Variants in SLC16A7 observed in about 807,000 individuals in gnomAD.
The protein encoded by SLC16A7 is solute carrier family 16 member 7, also known as monocarboxylate transporter 2.
SLC16A7 carries 33 observed loss-of-function variants against 34.9 expected under a neutral mutation model. The observed-to-expected ratio is 0.94, with a 90% CI of 0.72 to 1.26. SLC16A7 has a LOEUF of 1.26. SLC16A7 is among the 50% of genes most tolerant of loss of function. The pLI, the probability that SLC16A7 is intolerant of heterozygous loss-of-function variation, is 0.00. For synonymous variants in SLC16A7, 201 were observed against 206.6 expected (o/e 0.97, Z 0.23); for missense variants, 573 against 578.1 (o/e 0.99, Z 0.09).
chr12:59,727,648 C>T (rs1470489482), intron 3 of SLC16A7, among the ~76,000 whole-genome samples: 1 of 152,120 alleles, frequency 6.6e-6, no homozygotes, highest in African/African-American at 2.4e-5. Context: ...AGTAGGGTAA[C>T]TTGATAAATA....
At chr12:59,719,931 T>G (rs1475744955) in intron 3 of SLC16A7, 2 of 563,528 alleles carry the variant, frequency 3.5e-6, no homozygotes, top group Admixed American at 3.5e-5. Flanking sequence ...TGGTGGAACC[T>G]TAGCTATTAT....
chr12:59,649,854 CTG>C (rs1217598515), intron 1 of SLC16A7, among the ~76,000 whole-genome samples: 3 of 152,056 alleles, frequency 2.0e-5, no homozygotes, highest in Non-Finnish European at 2.9e-5. Flanking sequence ...GAAGCTGAGA[CTG>C]GAGAATCACT....
In SLC16A7 at chr12:59,784,336, C is replaced by A. The variant is rs1883466711; in HGVS notation, c.*4657C>A. ...CAGTGAGCTATAATGGCCCCACTTG[C>A]AGTCCAGCCTAGGCAATAGAGTGAG... On this transcript the variant is annotated 3_prime_UTR_variant, in exon 6 of 6. Transcript: ENST00000547379. 1 of 151,820 alleles carries A rather than the reference C, an allele frequency of 6.6e-6. No homozygotes were observed. The highest frequency in any genetic ancestry group is 2.1e-4 in the South Asian group (1 of 4,820). The allele number at this position is 151,820 out of a possible 1,614,324, so 9.4% of individuals were successfully genotyped here. A position where few individuals can be genotyped will look rare whatever the true frequency, so the allele number is the denominator to read the frequency against.
chr12:59,749,529 G>C (rs1402224723), intron 3 of SLC16A7, among the ~76,000 whole-genome samples: 1 of 152,074 alleles, frequency 6.6e-6, no homozygotes, highest in African/African-American at 2.4e-5. Flanking sequence ...CAGGAGGTGA[G>C]GTCATAGCAC....
intron 2 of SLC16A7, among the ~76,000 whole-genome samples, chr12:59,677,011 C>A (rs1417024081): frequency 6.6e-6 from 1 of 152,082 alleles, no homozygotes; most frequent in Non-Finnish European, 1.5e-5. Flanking sequence ...CATACAGAGA[C>A]AGCTTATTTT....
chr12:59,629,699 A>G (rs1305290404), intron 1 of SLC16A7, among the ~76,000 whole-genome samples: 2 of 151,890 alleles, frequency 1.3e-5, no homozygotes, highest in African/African-American at 4.8e-5. Flanking sequence ...CATATGCTGT[A>G]TGACTTTCTG....
intron 1 of SLC16A7, among the ~76,000 whole-genome samples, chr12:59,637,912 T>G (rs1432707104): frequency 6.6e-6 from 1 of 152,142 alleles, no homozygotes; most frequent in Non-Finnish European, 1.5e-5. Context: ...CATGCTCTTT[T>G]GCTTTTCTGC....
At chr12:59,603,444 A>G (rs1450638613) in intron 1 of SLC16A7, among the ~76,000 whole-genome samples, 2 of 152,068 alleles carry the variant, frequency 1.3e-5, no homozygotes, top group Non-Finnish European at 2.9e-5. Context: ...CCTACCGCCA[A>G]ATCTTTGGCC....
chr12:59,728,129 A>G (rs1876504400), intron 3 of SLC16A7, among the ~76,000 whole-genome samples: 1 of 152,180 alleles, frequency 6.6e-6, no homozygotes, highest in South Asian at 2.1e-4. Flanking sequence ...AAAGGCAGAA[A>G]TTATAAAGCA....
rs1592463129 is a variant in SLC16A7, at chr12:59,671,241, GAAAACCAC to G, written c.-31+15993_-31+16000del. ...TATGGCATCTGAATTAGTCCTTTTA[GAAAACCAC>G]ATGCTTTATTTGTTTAATAATATGT... On this transcript the variant is annotated intron_variant, in intron 2 of 5. Coordinates refer to ENST00000547379, the MANE Select transcript of SLC16A7 (RefSeq NM_001270623.2). 2.0e-5 allele frequency among the ~76,000 whole-genome samples: 3 copies of G among 152,060 alleles called. 1 individual carries two copies. Among genetic ancestry groups the G allele is most frequent in the African/African-American group, 7.2e-5 (3 of 41,404 alleles).
chr12:59,624,329 A>C (rs1009601207), intron 1 of SLC16A7, among the ~76,000 whole-genome samples: 7 of 151,634 alleles, frequency 4.6e-5, no homozygotes, highest in Admixed American at 4.0e-4. Flanking sequence ...CAGTTTTTAA[A>C]ATAGTTCTCA....
chr12:59,728,683 C>T (rs1876577320), intron 3 of SLC16A7, among the ~76,000 whole-genome samples: 1 of 152,082 alleles, frequency 6.6e-6, no homozygotes, highest in Non-Finnish European at 1.5e-5. Flanking sequence ...TAAGATTGTG[C>T]CACTGCACTC....
At chr12:59,650,337 A>G (rs1868321167) in intron 1 of SLC16A7, among the ~76,000 whole-genome samples, 1 of 152,180 alleles carries the variant, frequency 6.6e-6, no homozygotes, top group African/African-American at 2.4e-5. Flanking sequence ...TTTATACACC[A>G]CATAGTCCAG....
chr12:59,694,333 C>A (rs954632362), intron 2 of SLC16A7, among the ~76,000 whole-genome samples: 1 of 151,892 alleles, frequency 6.6e-6, no homozygotes, highest in Non-Finnish European at 1.5e-5. Flanking sequence ...CTCTAAAACA[C>A]TACCTTTTTA....
chr12:59,682,437 C>T lies in SLC16A7; in HGVS notation c.-30-22335C>T, dbSNP rs911264085. On this transcript the variant is annotated intron_variant, in intron 2 of 5. Transcript: ENST00000547379. Reference sequence around the variant, plus strand: ...CTTGGGCTGAGGTCACTGTATTAGACGCTATAGTGAATATAAATGATTTAT... The same window carrying T: ...CTTGGGCTGAGGTCACTGTATTAGATGCTATAGTGAATATAAATGATTTAT... Among the ~76,000 whole-genome samples, 10 of 152,120 alleles carry T rather than the reference C, an allele frequency of 6.6e-5. No individual in the cohort carries two copies. The East Asian group carries it at 9.6e-4, about 15-fold the overall frequency.
intron 5 of SLC16A7, among the ~76,000 whole-genome samples, chr12:59,777,214 A>G (rs1882846792): frequency 6.6e-6 from 1 of 152,188 alleles, no homozygotes; most frequent in African/African-American, 2.4e-5. Flanking sequence ...AGCAAATGGC[A>G]ATAATTGATT....
intron 2 of SLC16A7, chr12:59,696,340 T>A (rs1872288974): frequency 6.6e-6 from 1 of 152,046 alleles, no homozygotes; most frequent in Non-Finnish European, 1.5e-5. Context: ...TGGCTCTAAT[T>A]AGGCTTATTG....
intron 3 of SLC16A7, among the ~76,000 whole-genome samples, chr12:59,750,169 A>C (rs539270918): frequency 5.3e-5 from 8 of 152,340 alleles, no homozygotes; most frequent in Admixed American, 1.3e-4. Context: ...AGACTTCATG[A>C]CTAAAACACC....
chr12:59,656,764 T>C (rs952747025), intron 2 of SLC16A7, among the ~76,000 whole-genome samples: 1 of 151,982 alleles, frequency 6.6e-6, no homozygotes, highest in African/African-American at 2.4e-5. Context: ...GCTGCTTTGA[T>C]TGAATTTTTT....
Sources: gnomAD v4.1 joint callset for allele counts (sites outside exome capture counted in the v4.1 genomes callset) on GRCh38, gnomAD v4.1.1 for gene constraint, MANE v1.5 for transcripts, NCBI Gene and HGNC (gene_info 2026-07-23, HGNC 2026-07-21) for gene names.